Variants in ROCK2 observed in about 807,000 individuals in gnomAD.
The protein encoded by ROCK2 is rho-associated protein kinase 2.
A neutral mutation model predicts 195.1 loss-of-function variants in ROCK2; 61 were observed. That is an observed-to-expected ratio of 0.31 (90% CI 0.25 to 0.39). ROCK2 has a LOEUF of 0.39. ROCK2 is among the 10% of genes least tolerant of loss of function. The probability of loss-of-function intolerance (pLI) is 1.00; values close to 1 mark genes in which losing one functional copy is unlikely to be tolerated. For synonymous variants in ROCK2, 504 were observed against 545.5 expected, an observed-to-expected ratio of 0.92 and a Z score of 1.06; for missense variants, 1,109 against 1,637.4, an observed-to-expected ratio of 0.68 and a Z score of 5.57.
chr2:11,299,968 G>A (rs1341659468), intron 1 of ROCK2, among the ~76,000 whole-genome samples: 1 of 152,062 alleles, frequency 6.6e-6, no homozygotes, highest in Non-Finnish European at 1.5e-5. Flanking sequence ...TCCACTCTAT[G>A]TGCCCTCCCC....
chr2:11,189,163 G>C (rs1663321107), intron 32 of ROCK2, among the ~76,000 whole-genome samples: 1 of 152,098 alleles, frequency 6.6e-6, no homozygotes, highest in Non-Finnish European at 1.5e-5. Flanking sequence ...CTTTATATTT[G>C]ATGTATCTAA....
chr2:11,268,892 T>C (rs961658304), intron 3 of ROCK2, among the ~76,000 whole-genome samples: 1 of 152,172 alleles, frequency 6.6e-6, no homozygotes, highest in Non-Finnish European at 1.5e-5. Flanking sequence ...CCACAGTATC[T>C]ATTTTGTTCT....
rs565541010 is a variant in ROCK2 at position 11,215,153 on chromosome 2, T to C, written c.1690-67A>G. The stretch of plus-strand genomic sequence containing the variant: ...CATGTATGTAATGAAAATAAGTCAA[T>C]GTATTCCCCCATTAGAAACTATTTA... On this transcript the variant is annotated intron_variant, in intron 15 of 32. Transcript: ENST00000315872. 8.9e-6 allele frequency: 14 copies of C among 1,567,730 alleles called. No homozygotes were observed. In the East Asian group the frequency reaches 2.7e-4, roughly 30 times the overall value.
chr2:11,345,032 C>A (rs1669257757), upstream of ROCK2, among the ~76,000 whole-genome samples: 1 of 151,684 alleles, frequency 6.6e-6, no homozygotes, highest in Middle Eastern at 3.4e-3. Flanking sequence ...CCGGCCGCGC[C>A]CCCCGCCGCG....
At position 11,317,613 on chromosome 2, in the gene ROCK2, T is replaced by TATATATATATATTTA. The variant is rs1553317465; in HGVS notation, c.141+26382_141+26383insTAAATATATATATAT. On this transcript the variant is annotated intron_variant, in intron 1 of 32. Transcript: ENST00000315872. ...ATATATATATATATATATATATATATTTTTTTTTTTTTTTAATTATACTTT... is the reference window on the plus strand; with the variant it reads ...ATATATATATATATATATATATATATATATATATATATTTATTTTTTTTTTTTTTAATTATACTTT... 9.8e-5 allele frequency among the ~76,000 whole-genome samples: 2 copies of TATATATATATATTTA among 20,306 alleles called. 1 individual carries two copies. The highest frequency in any genetic ancestry group is 3.9e-4 in the African/African-American group (2 of 5,086). The allele number at this position is 20,306 out of a possible 152,430, so 13.3% of individuals were successfully genotyped here.
intron 1 of ROCK2, among the ~76,000 whole-genome samples, chr2:11,305,202 C>G (rs1442266853): frequency 6.6e-6 from 1 of 152,066 alleles, no homozygotes; most frequent in Non-Finnish European, 1.5e-5. Flanking sequence ...ATGGCGAAAC[C>G]CTGTCTTTAC....
chr2:11,242,777 T>C (rs1048029900), intron 4 of ROCK2, among the ~76,000 whole-genome samples: 5 of 152,172 alleles, frequency 3.3e-5, no homozygotes, highest in Non-Finnish European at 7.4e-5. Context: ...GCCATGTGTG[T>C]ACTACCATGA....
intron 32 of ROCK2, among the ~76,000 whole-genome samples, chr2:11,188,572 A>G (rs925627868): frequency 2.0e-5 from 3 of 152,102 alleles, no homozygotes; most frequent in East Asian, 1.9e-4. Context: ...TAGCATTTCT[A>G]TACATTATTT....
intron 9 of ROCK2, among the ~76,000 whole-genome samples, chr2:11,219,372 A>ATGG (rs1432031897): frequency 1.4e-5 from 2 of 144,100 alleles, no homozygotes; most frequent in African/African-American, 2.5e-5. Context: ...TTAGCCGGGC[A>ATGG]TGGTGGTGGA....
Position 11,300,777 on chromosome 2 carries a change from G to A in ROCK2, c.142-13041C>T, listed in dbSNP as rs532207678. Among the ~76,000 whole-genome samples the A allele has an allele frequency of 2.0e-4, 31 of 152,068 alleles. 1 individual carries two copies. The South Asian group carries it at 6.2e-3, about 31-fold the overall frequency. ...TACCCTTATTTCCAAGTATCCACCA[G>A]ATACCCAAAAGACCCAAGAAGTCTC... On this transcript the variant is annotated intron_variant, in intron 1 of 32. Coordinates refer to ENST00000315872, the MANE Select transcript of ROCK2 (RefSeq NM_004850.5).
chr2:11,243,725 A>G (rs1665513628), intron 4 of ROCK2, among the ~76,000 whole-genome samples: 1 of 152,218 alleles, frequency 6.6e-6, no homozygotes, highest in Non-Finnish European at 1.5e-5. Context: ...TGTCACAGCC[A>G]AGAAGAGCCC....
chr2:11,267,045 T>C (rs1407796686), intron 3 of ROCK2, among the ~76,000 whole-genome samples: 3 of 152,224 alleles, frequency 2.0e-5, no homozygotes, highest in Non-Finnish European at 4.4e-5. Flanking sequence ...ATTAACACAG[T>C]ACAGTGAATA....
intron 5 of ROCK2, among the ~76,000 whole-genome samples, chr2:11,231,631 C>T (rs1428230744): frequency 2.6e-5 from 4 of 152,004 alleles, no homozygotes; most frequent in Non-Finnish European, 4.4e-5. Flanking sequence ...TTTACTGAGA[C>T]ACATCTACAT....
chr2:11,201,116 G>A lies in ROCK2; in HGVS notation c.2751C>T (p.Ile917=). 6.2e-7 allele frequency: 1 copy of A among 1,610,604 alleles called. No individual in the cohort carries two copies. The highest frequency in any genetic ancestry group is 1.3e-5 in the African/African-American group (1 of 74,856). ...ERDSLAAQLE[I]TLTKADSEQL... is the part of the protein sequence containing the mutation. The stretch of plus-strand genomic sequence containing the variant: ...GCTCAGAATCTGCTTTGGTCAAGGT[G>A]ATCTCCAGTTGGGCAGCCAAAGAGT... The change falls in exon 23 of 33, where the codon ATC becomes ATT. Residue 917 remains isoleucine, a synonymous_variant. Transcript: ENST00000315872. The surrounding 1 kb of genome is among the most constrained non-coding windows in gnomAD (Gnocchi z 4.6).
chr2:11,219,298 G>A (rs55995833), intron 9 of ROCK2, among the ~76,000 whole-genome samples: 14 of 136,638 alleles, frequency 1.0e-4, no homozygotes, highest in Non-Finnish European at 1.8e-4. Flanking sequence ...TCAGGAGTTC[G>A]AGACCAGTGT....
intron 16 of ROCK2, 59 bp from the exon 17 acceptor site, chr2:11,214,522 G>T: frequency 4.0e-6 from 4 of 1,000,114 alleles, no homozygotes; most frequent in Middle Eastern, 2.1e-4. Context: ...CATTCAATTA[G>T]GAATAAAAAG....
intron 3 of ROCK2, among the ~76,000 whole-genome samples, chr2:11,260,896 A>C (rs1666203822): frequency 6.6e-6 from 1 of 152,238 alleles, no homozygotes; most frequent in South Asian, 2.1e-4. Context: ...GTGATTCTTC[A>C]TGCAAAAATG....
intron 2 of ROCK2, among the ~76,000 whole-genome samples, chr2:11,287,194 T>A (rs959149062): frequency 6.6e-6 from 1 of 152,202 alleles, no homozygotes; most frequent in African/African-American, 2.4e-5. Flanking sequence ...TGGAATTCAA[T>A]TTCACTTACT....
chr2:11,198,853 T>C, intron 23 of ROCK2, 79 bp from the exon 24 acceptor site: 1 of 815,406 alleles, frequency 1.2e-6, no homozygotes, highest in Non-Finnish European at 2.0e-6. Flanking sequence ...ATGAGAAACA[T>C]CCTAGAATAT....
Sources: allele counts gnomAD v4.1 joint callset (sites outside exome capture counted in the v4.1 genomes callset), GRCh38; gene constraint gnomAD v4.1.1; non-coding constraint Gnocchi (gnomAD v3.1); transcripts MANE v1.5; gene names NCBI Gene and HGNC (gene_info 2026-07-23, HGNC 2026-07-21).